Variants in ITGA9 observed in about 807,000 individuals in gnomAD.
ITGA9 encodes the protein integrin alpha-9.
ITGA9 carries 56 observed loss-of-function variants against 127.8 expected under a neutral mutation model. That is an observed-to-expected ratio of 0.44 (90% CI 0.35 to 0.55). ITGA9 has a LOEUF of 0.55. Among genes scored for constraint, ITGA9 ranks in the 20% least tolerant of loss-of-function variants. The pLI, the probability that ITGA9 is intolerant of heterozygous loss-of-function variation, is 0.00. For missense variants in ITGA9, 1,196 were observed against 1,347.1 expected (o/e 0.89, Z 1.76); for synonymous variants, 508 against 514.5 (o/e 0.99, Z 0.17).
intron 15 of ITGA9, among the ~76,000 whole-genome samples, chr3:37,607,721 G>A (rs898341880): frequency 6.6e-6 from 1 of 152,126 alleles, no homozygotes; most frequent in Middle Eastern, 3.2e-3. Context: ...GGAAGAAAGG[G>A]GTTAAAATGT....
intron 17 of ITGA9, among the ~76,000 whole-genome samples, chr3:37,668,130 G>A (rs1431314790): frequency 6.6e-6 from 1 of 152,154 alleles, no homozygotes; most frequent in Non-Finnish European, 1.5e-5. Context: ...TTCAGGGACA[G>A]CCCCTTCCCT....
In ITGA9 at chr3:37,779,984, A is replaced by T. The variant is rs1273483257; in HGVS notation, c.2750A>T (p.Asp917Val). The T allele has an allele frequency of 6.2e-7, 1 of 1,614,120 alleles. No homozygotes were observed. Among genetic ancestry groups the T allele is most frequent in the Admixed American group, 1.7e-5 (1 of 60,032 alleles). ...ALAKEESRTI[D>V]IYMLLNTEIL... ...GCTAAAGAAGAAAGTCGTACTATAG[A>T]CATTTACATGCTGCTGAACACAGAA... Residue 917 changes from aspartate to valine, a missense_variant, in exon 25 of 28, where the codon GAC becomes GTC. Physicochemically the swap from Asp to Val is radical, Grantham distance 152. Coordinates refer to ENST00000264741, the MANE Select transcript of ITGA9 (RefSeq NM_002207.3).
chr3:37,664,420 CTTT>C (rs35312679), intron 17 of ITGA9, among the ~76,000 whole-genome samples: 27 of 114,896 alleles, frequency 2.3e-4, no homozygotes, highest in African/African-American at 6.4e-4. Flanking sequence ...TCAGCACATT[CTTT>C]TTTTTTTTTT....
At chr3:37,723,316 C>T (rs1701211622) in intron 18 of ITGA9, among the ~76,000 whole-genome samples, 1 of 144,626 alleles carries the variant, frequency 6.9e-6, no homozygotes, top group Admixed American at 7.2e-5. Flanking sequence ...TGATGATATC[C>T]AGATTATCCA....
At chr3:37,560,267 C>G (rs1699473616) in intron 15 of ITGA9, among the ~76,000 whole-genome samples, 1 of 152,170 alleles carries the variant, frequency 6.6e-6, no homozygotes, top group Non-Finnish European at 1.5e-5. Context: ...CGTGTCCCTG[C>G]AAAGGACATG....
intron 17 of ITGA9, among the ~76,000 whole-genome samples, chr3:37,678,108 A>G (rs947308054): frequency 6.6e-6 from 1 of 152,206 alleles, no homozygotes; most frequent in African/African-American, 2.4e-5. Flanking sequence ...ACCCTTGGCT[A>G]CTGTGAATAG....
intron 27 of ITGA9, among the ~76,000 whole-genome samples, chr3:37,810,730 C>G (rs190314191): frequency 1.3e-5 from 2 of 152,206 alleles, no homozygotes; most frequent in African/African-American, 4.8e-5. Context: ...CAACAGAGCC[C>G]TCACCTAGTC....
intron 18 of ITGA9, among the ~76,000 whole-genome samples, chr3:37,709,135 T>C (rs1021188080): frequency 2.0e-5 from 3 of 152,200 alleles, no homozygotes; most frequent in East Asian, 1.9e-4. Context: ...GTTGACCTTA[T>C]AAATTTGTTG....
intron 23 of ITGA9, among the ~76,000 whole-genome samples, chr3:37,767,308 T>G (rs776119409): frequency 2.6e-5 from 4 of 152,226 alleles, no homozygotes; most frequent in African/African-American, 4.8e-5. Context: ...TCAGATTTGA[T>G]CTCAGTAACA....
intron 13 of ITGA9, among the ~76,000 whole-genome samples, chr3:37,529,204 G>T (rs1352693050): frequency 3.3e-5 from 5 of 152,120 alleles, no homozygotes; most frequent in Non-Finnish European, 7.3e-5. Context: ...ACATAAGTGG[G>T]GCTGTTATCC....
rs1698207765 is a variant in ITGA9 at position 37,452,654 on chromosome 3, C to T, written c.185+95C>T. ...CGCCGCCTTTCCGGTCTCTTCCACG[C>T]CGCCGTCCCGAGGGGGCGATTTAAA... On this transcript the variant is annotated intron_variant, in intron 1 of 27. Coordinates refer to ENST00000264741, the MANE Select transcript of ITGA9 (RefSeq NM_002207.3). The surrounding 1 kb of genome is among the most constrained non-coding windows in gnomAD (Gnocchi z 7.3). 2 of 1,138,066 alleles carry T rather than the reference C, an allele frequency of 1.8e-6. No homozygotes were observed. Among genetic ancestry groups the T allele is most frequent in the Non-Finnish European group, 2.3e-6 (2 of 856,656 alleles). 70.5% of individuals were successfully genotyped at this position (1,138,066 alleles called of 1,614,324 possible).
chr3:37,609,723 T>C lies in ITGA9; in HGVS notation c.1690-19464T>C, dbSNP rs189396305. On this transcript the variant is annotated intron_variant, in intron 15 of 27. Transcript: ENST00000264741. The stretch of plus-strand genomic sequence containing the variant: ...TGGCTGGTCTCTGCTCCATGATGCC[T>C]AGGACCTCAGCTGGGAGAGACTTGA... Among the ~76,000 whole-genome samples the C allele has an allele frequency of 1.1e-3, 163 of 152,306 alleles. 2 individuals are homozygous for C. The highest frequency in any genetic ancestry group is 3.4e-3 in the Middle Eastern group (1 of 294).
At chr3:37,744,075 CG>C (rs775444773) in intron 22 of ITGA9, 41 bp downstream of exon 22, 1 of 1,295,818 alleles carries the variant, frequency 7.7e-7, no homozygotes, top group South Asian at 1.2e-5. Context: ...TGGGGGCTAA[CG>C]GAAGGGCACA....
intron 26 of ITGA9, chr3:37,790,423 C>T: frequency 2.3e-6 from 1 of 444,264 alleles, no homozygotes; most frequent in Admixed American, 2.5e-5. Context: ...ATGCCTGATC[C>T]TGCGAGTCAC....
At chr3:37,754,102 G>A (rs1208324356) in intron 23 of ITGA9, 2 of 152,138 alleles carry the variant, frequency 1.3e-5, no homozygotes, top group African/African-American at 4.8e-5. Context: ...GCAGAGGCGA[G>A]CCGTGTAGCA....
rs3821910 is a variant in ITGA9, at chr3:37,667,978, G to T, written c.1916+14188G>T. 4.1e-3 allele frequency among the ~76,000 whole-genome samples: 624 copies of T among 152,300 alleles called. 16 individuals are homozygous for T. The East Asian group carries it at 0.086, about 21-fold the overall frequency. On this transcript the variant is annotated intron_variant, in intron 17 of 27. Transcript: ENST00000264741. Reference sequence around the variant, plus strand: ...TATTGCAGAAAGCATTTGATTTGCAGTTTCCTGAATGCGAGGCTCCAAGTG... The same window carrying T: ...TATTGCAGAAAGCATTTGATTTGCATTTTCCTGAATGCGAGGCTCCAAGTG...
At chr3:37,683,548 G>A (rs1040273772) in intron 17 of ITGA9, among the ~76,000 whole-genome samples, 2 of 152,192 alleles carry the variant, frequency 1.3e-5, no homozygotes, top group African/African-American at 2.4e-5. Context: ...AGAAATAACC[G>A]CATGAATTCA....
At position 37,472,634 on chromosome 3, in the gene ITGA9, G is replaced by GA. The variant is rs562383619; in HGVS notation, c.314-718dup. 4.9e-3 allele frequency among the ~76,000 whole-genome samples: 740 copies of GA among 152,208 alleles called. 3 individuals are homozygous for GA. Among genetic ancestry groups the GA allele is most frequent in the Admixed American group, 9.3e-3 (142 of 15,296 alleles). On this transcript the variant is annotated intron_variant, in intron 2 of 27. Transcript: ENST00000264741. ...TGGTCTCGAACTTCTGGCCTCAAGTGAACCGCCCACCTCAGCCTCCCAAAG... is the reference window on the plus strand; with the variant it reads ...TGGTCTCGAACTTCTGGCCTCAAGTGAAACCGCCCACCTCAGCCTCCCAAAG...
At chr3:37,816,411 T>A (rs934834311) in intron 27 of ITGA9, among the ~76,000 whole-genome samples, 16 of 152,234 alleles carry the variant, frequency 1.1e-4, no homozygotes, top group African/African-American at 3.6e-4. Context: ...TAGAGAATCC[T>A]ATTTCCCTGT....
Sources: allele counts gnomAD v4.1 joint callset (sites outside exome capture counted in the v4.1 genomes callset), GRCh38; gene constraint gnomAD v4.1.1; non-coding constraint Gnocchi (gnomAD v3.1); transcripts MANE v1.5; gene names NCBI Gene and HGNC (gene_info 2026-07-23, HGNC 2026-07-21).